Variants in MED13 observed in about 807,000 individuals in gnomAD.
The protein encoded by MED13 is mediator of RNA polymerase II transcription subunit 13.
In MED13, 23 loss-of-function variants were observed where a neutral mutation model predicts 225.2. That is an observed-to-expected ratio of 0.10 (90% confidence interval 0.07 to 0.14). The LOEUF is 0.14. MED13 is among the 10% of genes least tolerant of loss of function. The pLI, the probability that MED13 is intolerant of heterozygous loss-of-function variation, is 1.00. For missense variants in MED13, 2,197 were observed against 2,594.5 expected (o/e 0.85, Z 3.33); for synonymous variants, 942 against 889.2 (o/e 1.06, Z -1.06).
At chr17:62,041,884 C>G (rs1414241363) in intron 3 of MED13, among the ~76,000 whole-genome samples, 3 of 152,186 alleles carry the variant, frequency 2.0e-5, no homozygotes, top group Non-Finnish European at 4.4e-5. Context: ...TGCCCAGCCT[C>G]CCCTAGCCAT....
intron 8 of MED13, among the ~76,000 whole-genome samples, chr17:62,021,283 C>T (rs2080641773): frequency 6.6e-6 from 1 of 151,136 alleles, no homozygotes; most frequent in African/African-American, 2.4e-5. Context: ...AGGCGCCCCT[C>T]ACCTCCCGGA....
At chr17:61,949,579 A>T in intron 28 of MED13, among the ~76,000 whole-genome samples, 1 of 152,156 alleles carries the variant, frequency 6.6e-6, no homozygotes, top group Admixed American at 6.5e-5. Flanking sequence ...TACTGTATTT[A>T]AAAACCACTC....
At position 61,982,540 on chromosome 17, in the gene MED13, A is replaced by T. The variant is rs1172641141; in HGVS notation, c.3463T>A (p.Cys1155Ser). The part of the protein sequence containing the change: ...ELDIIGRNTD[C>S]GKEAEKRFEA... ...AAACGTTTTTCTGCTTCTTTGCCACAGTCTGTATTGCGTCCTATGATATCT... is the reference window on the plus strand; with the variant it reads ...AAACGTTTTTCTGCTTCTTTGCCACTGTCTGTATTGCGTCCTATGATATCT... The change falls in exon 16 of 30, where the codon TGT (cysteine) becomes AGT (serine). Residue 1155 changes from cysteine to serine, a missense_variant. Coordinates refer to ENST00000397786, the MANE Select transcript of MED13 (RefSeq NM_005121.3). 1 of 1,614,170 alleles carries T rather than the reference A, an allele frequency of 6.2e-7. No individual in the cohort carries two copies. Among genetic ancestry groups the T allele is most frequent in the South Asian group, 1.1e-5 (1 of 91,078 alleles).
intron 3 of MED13, among the ~76,000 whole-genome samples, chr17:62,043,393 A>T (rs1280286176): frequency 6.6e-6 from 1 of 152,122 alleles, no homozygotes; most frequent in East Asian, 1.9e-4. Flanking sequence ...AACATTATAG[A>T]CAGGCTACAG....
chr17:62,050,737 C>T (rs2143753389), intron 3 of MED13, among the ~76,000 whole-genome samples: 1 of 152,300 alleles, frequency 6.6e-6, no homozygotes, highest in South Asian at 2.1e-4. Context: ...GGAGCAGTGG[C>T]TCACGCCTGT....
At chr17:62,060,477 G>A (rs1186030964) in intron 2 of MED13, among the ~76,000 whole-genome samples, 3 of 151,482 alleles carry the variant, frequency 2.0e-5, no homozygotes, top group Non-Finnish European at 4.4e-5. Context: ...AAAATTAGCC[G>A]GGCGTGGTGG....
chr17:61,963,357 T>C (rs2080023873), intron 20 of MED13, among the ~76,000 whole-genome samples: 2 of 151,988 alleles, frequency 1.3e-5, no homozygotes, highest in African/African-American at 4.8e-5. Context: ...CTCAAATAGC[T>C]TACCAAATTT....
At chr17:62,049,078 C>CAAAAAAAAAAAAAAAAAAAAAA (rs890393330) in intron 3 of MED13, among the ~76,000 whole-genome samples, 24 of 45,298 alleles carry the variant, frequency 5.3e-4, no homozygotes, top group African/African-American at 1.3e-3. Flanking sequence ...GTAAATAAGA[C>CAAAAAAAAAAAAAAAAAAAAAA]AAAAAAAAAA....
At chr17:61,999,264 C>CAG (rs2080373086) in intron 9 of MED13, among the ~76,000 whole-genome samples, 1 of 152,112 alleles carries the variant, frequency 6.6e-6, no homozygotes, top group Non-Finnish European at 1.5e-5. Context: ...ACTTTGGCTA[C>CAG]AGAATAAAAC....
chr17:62,052,723 G>T lies in MED13; in HGVS notation c.302-18C>A, dbSNP rs1334874216. ...TTCTTCTTCTAAAAGAGAAATGAAG[G>T]AAATAATAAAATAGTGACACTATAA... On this transcript the variant is annotated intron_variant, in intron 2 of 29. Coordinates refer to ENST00000397786, the MANE Select transcript of MED13 (RefSeq NM_005121.3). The T allele has an allele frequency of 6.5e-7, 1 of 1,537,988 alleles. No individual in the cohort carries two copies.
intron 8 of MED13, 136 bp downstream of exon 8, chr17:62,029,405 A>G (rs1448289958): frequency 1.9e-5 from 12 of 623,982 alleles, no homozygotes; most frequent in Non-Finnish European, 3.4e-5. Context: ...TTCCTGAAAT[A>G]TTTTTCCTGA....
At chr17:62,049,376 G>C (rs999878878) in intron 3 of MED13, among the ~76,000 whole-genome samples, 3 of 152,170 alleles carry the variant, frequency 2.0e-5, no homozygotes, top group African/African-American at 7.2e-5. Flanking sequence ...ACTACAAAAA[G>C]TCAGCTAGAA....
chr17:61,987,992 C>A (rs765179722), intron 11 of MED13, among the ~76,000 whole-genome samples: 2 of 152,024 alleles, frequency 1.3e-5, no homozygotes, highest in Non-Finnish European at 2.9e-5. Context: ...ATCTGCCCAC[C>A]TCTGTTTCTG....
chr17:61,955,855 T>TATAAAAA lies in MED13; in HGVS notation c.5624-18_5624-17insTTTTTAT. 1 of 814,374 alleles carries TATAAAAA rather than the reference T, an allele frequency of 1.2e-6. No homozygotes were observed. The highest frequency in any genetic ancestry group is 1.4e-4 in the Admixed American group (1 of 7,000). 50.4% of individuals were successfully genotyped at this position (814,374 alleles called of 1,614,324 possible). ...AGCTCCAATCTGTGGGTATCAACAG[T>TATAAAAA]AAAAAAAAAAAAAAAAAAAAAAAAA... On this transcript the variant is annotated splice_polypyrimidine_tract_variant and intron_variant, in intron 24 of 29. Coordinates refer to ENST00000397786, the MANE Select transcript of MED13 (RefSeq NM_005121.3).
intron 20 of MED13, 117 bp downstream of exon 20, chr17:61,964,889 T>C (rs934623970): frequency 1.1e-6 from 1 of 948,816 alleles, no homozygotes; most frequent in South Asian, 1.8e-5. Context: ...TGAGTGCAGA[T>C]CCCACCACTG....
At chr17:61,987,686 T>C (rs1019931311) in intron 11 of MED13, among the ~76,000 whole-genome samples, 1 of 152,132 alleles carries the variant, frequency 6.6e-6, no homozygotes. Context: ...GAATAATTAA[T>C]GCATCAAATA....
At chr17:62,009,357 G>A (rs2080484916) in intron 9 of MED13, among the ~76,000 whole-genome samples, 1 of 151,854 alleles carries the variant, frequency 6.6e-6, no homozygotes. Context: ...ACTAATGCAG[G>A]ATTAATACCC....
At chr17:62,020,748 C>A (rs2080634811) in intron 8 of MED13, among the ~76,000 whole-genome samples, 2 of 145,520 alleles carry the variant, frequency 1.4e-5, no homozygotes. Context: ...GGGTATTTGG[C>A]AGGGTCATAG....
At position 62,042,876 on chromosome 17, in the gene MED13, A is replaced by G. The variant is rs554458525; in HGVS notation, c.471-7268T>C. Reference sequence around the variant, plus strand: ...GAAATTACGGTAAGAAAGGCTGGGCATGGTGGCTCACACCTGTAATCCCAG... The same window carrying G: ...GAAATTACGGTAAGAAAGGCTGGGCGTGGTGGCTCACACCTGTAATCCCAG... On this transcript the variant is annotated intron_variant, in intron 3 of 29. Transcript: ENST00000397786. Among the ~76,000 whole-genome samples, 4 of 152,174 alleles carry G rather than the reference A, an allele frequency of 2.6e-5. No individual in the cohort carries two copies. The South Asian group carries it at 6.2e-4, about 24-fold the overall frequency.
Sources: allele counts gnomAD v4.1 joint callset (sites outside exome capture counted in the v4.1 genomes callset), GRCh38; gene constraint gnomAD v4.1.1; transcripts MANE v1.5; gene names NCBI Gene and HGNC (gene_info 2026-07-23, HGNC 2026-07-21).